The following SHOC1 variants were observed in gnomAD, a reference collection of about 807,000 sequenced individuals.
SHOC1 encodes the protein shortage in chiasmata 1, also known as protein shortage in chiasmata 1 ortholog.
Under a neutral mutation model 179.2 loss-of-function variants are expected in SHOC1, and 136 were observed. The observed-to-expected ratio is 0.76, with a 90% CI of 0.66 to 0.87. The LOEUF is 0.87. Among genes scored for constraint, SHOC1 ranks in the 40% least tolerant of loss-of-function variants. SHOC1 has a pLI of 0.00. For synonymous variants in SHOC1, 489 were observed against 586.6 expected, an observed-to-expected ratio of 0.83 and a Z score of 2.41; for missense variants, 1,538 against 1,700.8, an observed-to-expected ratio of 0.90 and a Z score of 1.68.
intron 8 of SHOC1, among the ~76,000 whole-genome samples, chr9:111,752,484 T>C (rs1023357274): frequency 2.6e-5 from 4 of 152,170 alleles, no homozygotes; most frequent in African/African-American, 7.2e-5. Context: ...CAAAGGAAGA[T>C]AGCAAACTAC....
In SHOC1 at chr9:111,705,200, T is replaced by C. The variant is rs62569952; in HGVS notation, c.2855+47A>G. On this transcript the variant is annotated intron_variant, in intron 21 of 27. Transcript: ENST00000682961. ...ACACACACACACACACACACACATA[T>C]ATATATAATGTACACTTTTGTTAAA... 4.6e-3 allele frequency: 2,436 copies of C among 524,910 alleles called. 26 individuals carry two copies. The East Asian group carries it at 0.05, about 11-fold the overall frequency. The allele number at this position is 524,910 out of a possible 1,614,324, so 32.5% of individuals were successfully genotyped here. A position where few individuals can be genotyped will look rare whatever the true frequency, so the allele number is the denominator to read the frequency against.
chr9:111,714,310 T>C lies in SHOC1; in HGVS notation c.2415+135A>G, dbSNP rs920343482. On this transcript the variant is annotated intron_variant, in intron 17 of 27. Transcript: ENST00000682961. ...TGGGTCTGATTCTGTTCTGTTACCT[T>C]ATTCAAGGACTAAACCATCAAGGGA... The C allele has an allele frequency of 8.1e-6, 6 of 742,922 alleles. No homozygotes were observed. The African/African-American group carries it at 1.1e-4, about 13-fold the overall frequency. 46.0% of individuals were successfully genotyped at this position (742,922 alleles called of 1,614,324 possible).
chr9:111,690,832 T>G (rs1164480649), intron 27 of SHOC1, among the ~76,000 whole-genome samples: 4 of 152,152 alleles, frequency 2.6e-5, no homozygotes, highest in African/African-American at 9.7e-5. Context: ...TCTTGGCCCC[T>G]CTCAGGCCTC....
At chr9:111,765,140 CAA>C (rs528073844) in intron 5 of SHOC1, among the ~76,000 whole-genome samples, 12 of 117,160 alleles carry the variant, frequency 1.0e-4, no homozygotes, top group Middle Eastern at 4.9e-3. Context: ...GACTCCGTCT[CAA>C]AAAAAAAAAA....
intron 5 of SHOC1, 79 bp downstream of exon 5, chr9:111,775,712 T>A (rs1835803847): frequency 7.7e-7 from 1 of 1,305,864 alleles, no homozygotes; most frequent in South Asian, 1.7e-5. Flanking sequence ...TTTATTCAAC[T>A]CAAACAAAAA....
chr9:111,759,019 G>T, intron 5 of SHOC1, 171 bp from the exon 6 acceptor site: 1 of 1,051,116 alleles, frequency 9.5e-7, no homozygotes, highest in Non-Finnish European at 1.4e-6. Context: ...CATAGTTCTG[G>T]AACAAAGGCA....
chr9:111,692,567 G>A (rs868064143), intron 26 of SHOC1, 56 bp from the exon 27 acceptor site: 17 of 1,329,208 alleles, frequency 1.3e-5, no homozygotes, highest in Non-Finnish European at 1.6e-5. Context: ...AAATAATGAT[G>A]CTTATCTATA....
chr9:111,738,884 A>G (rs975828578), intron 11 of SHOC1, among the ~76,000 whole-genome samples: 3 of 152,206 alleles, frequency 2.0e-5, no homozygotes, highest in South Asian at 2.1e-4. Flanking sequence ...TAGAAATTCT[A>G]ACTCATTATA....
chr9:111,773,746 A>G (rs1355412960), intron 5 of SHOC1, among the ~76,000 whole-genome samples: 1 of 152,226 alleles, frequency 6.6e-6, no homozygotes, highest in Non-Finnish European at 1.5e-5. Flanking sequence ...ATTAGCAAAT[A>G]TCAATAAACC....
Position 111,688,352 on chromosome 9 carries a change from A to C in SHOC1, c.4427-1482T>G, listed in dbSNP as rs186791193. On this transcript the variant is annotated intron_variant, in intron 27 of 27. Transcript: ENST00000682961. The stretch of plus-strand genomic sequence containing the variant: ...ATTTTGCACCTATTTAATAACTCCA[A>C]TTTATTATCCATATATTATTTATAT... Among the ~76,000 whole-genome samples, 598 of 152,240 alleles carry C rather than the reference A, an allele frequency of 3.9e-3. 6 individuals carry two copies. The highest frequency in any genetic ancestry group is 0.014 in the African/African-American group (575 of 41,538).
intron 12 of SHOC1, among the ~76,000 whole-genome samples, chr9:111,737,676 C>A (rs199909083): frequency 1.6e-5 from 1 of 61,478 alleles, no homozygotes; most frequent in Non-Finnish European, 3.3e-5. Context: ...AACAAACAAA[C>A]AATAAAAACA....
intron 5 of SHOC1, among the ~76,000 whole-genome samples, chr9:111,764,958 TG>T (rs919230192): frequency 1.4e-4 from 21 of 151,852 alleles, no homozygotes; most frequent in African/African-American, 5.1e-4. Flanking sequence ...CAGGCCAAAA[TG>T]GCGAAACTCT....
chr9:111,747,089 C>T (rs1442944554), intron 9 of SHOC1, among the ~76,000 whole-genome samples: 2 of 152,092 alleles, frequency 1.3e-5, no homozygotes, highest in African/African-American at 4.8e-5. Context: ...TAATTATTCA[C>T]CTTAATGACT....
chr9:111,699,600 A>T lies in SHOC1; in HGVS notation c.3183+354T>A, dbSNP rs76185952. On this transcript the variant is annotated intron_variant, in intron 24 of 27. Coordinates refer to ENST00000682961, the MANE Select transcript of SHOC1 (RefSeq NM_001378211.1). ...GAGACTGATTAGAGATCACCAATAT[A>T]TTACCCTAGTATATGTCTTAAGAGT... 2.7e-3 allele frequency among the ~76,000 whole-genome samples: 411 copies of T among 152,316 alleles called. 1 individual carries two copies. Among genetic ancestry groups the T allele is most frequent in the African/African-American group, 9.0e-3 (374 of 41,578 alleles).
At chr9:111,690,349 C>G (rs1278610274) in intron 27 of SHOC1, among the ~76,000 whole-genome samples, 1 of 151,996 alleles carries the variant, frequency 6.6e-6, no homozygotes, top group Non-Finnish European at 1.5e-5. Context: ...TCGGTTGAGC[C>G]CGAAAGGTGG....
chr9:111,741,014 C>G (rs142873633), intron 11 of SHOC1, among the ~76,000 whole-genome samples: 42 of 152,274 alleles, frequency 2.8e-4, no homozygotes, highest in Middle Eastern at 3.4e-3. Context: ...CTCAGCCTAC[C>G]GACTAGCTGG....
Position 111,786,018 on chromosome 9 carries a change from CTTCT to C in SHOC1, c.59_62del (p.Lys20SerfsTer23). On this transcript the variant is annotated frameshift_variant, in exon 3 of 28. Transcript: ENST00000682961. LOFTEE classifies it high-confidence loss of function. Reference sequence around the variant, plus strand: ...GAAGCAATAAAGCATCTCTGTAAAACTTCTTTCTAACCACATTCTGTGGAAGAAA... The same window carrying C: ...GAAGCAATAAAGCATCTCTGTAAAACTTCTAACCACATTCTGTGGAAGAAA... 6.7e-7 allele frequency: 1 copy of C among 1,499,676 alleles called. No individual in the cohort carries two copies. The highest frequency in any genetic ancestry group is 8.9e-7 in the Non-Finnish European group (1 of 1,126,568). 92.9% of individuals were successfully genotyped at this position (1,499,676 alleles called of 1,614,324 possible).
chr9:111,726,216 GTAACTT>G (rs1398701422), intron 13 of SHOC1, among the ~76,000 whole-genome samples: 1 of 152,108 alleles, frequency 6.6e-6, no homozygotes, highest in East Asian at 1.9e-4. Context: ...TACATAAAAA[GTAACTT>G]TAAGTTGAAT....
intron 5 of SHOC1, among the ~76,000 whole-genome samples, chr9:111,766,703 C>A (rs570029008): frequency 4.6e-4 from 70 of 152,262 alleles, no homozygotes; most frequent in African/African-American, 1.5e-3. Flanking sequence ...CTTCTGCCTC[C>A]TGGGTTCAAG....
Sources: allele counts gnomAD v4.1 joint callset (sites outside exome capture counted in the v4.1 genomes callset), GRCh38; gene constraint gnomAD v4.1.1; transcripts MANE v1.5; gene names NCBI Gene and HGNC (gene_info 2026-07-23, HGNC 2026-07-21).